The following CADPS variants were observed in gnomAD, a reference collection of about 807,000 sequenced individuals.
CADPS encodes the protein calcium dependent secretion activator.
In CADPS, 57 loss-of-function variants were observed where a neutral mutation model predicts 167.3. The observed-to-expected ratio is 0.34, with a 90% CI of 0.28 to 0.42. The LOEUF (loss-of-function observed/expected upper bound fraction) is 0.42, where lower values mean the gene tolerates loss of function less well. Ranked by LOEUF, CADPS falls within the 20% of genes least tolerant of loss-of-function variation. The probability of loss-of-function intolerance (pLI) is 1.00; values close to 1 mark genes in which losing one functional copy is unlikely to be tolerated. For missense variants in CADPS, 1,414 were observed against 1,738.1 expected, an observed-to-expected ratio of 0.81 and a Z score of 3.32; for synonymous variants, 676 against 635.3, an observed-to-expected ratio of 1.06 and a Z score of -0.96.
chr3:62,725,779 G>A (rs2076641462), intron 3 of CADPS, among the ~76,000 whole-genome samples: 1 of 151,780 alleles, frequency 6.6e-6, no homozygotes, highest in African/African-American at 2.4e-5. Flanking sequence ...TGTTTTAGAG[G>A]AGTCACCCTA....
chr3:62,849,311 A>G (rs1163262781), intron 1 of CADPS, among the ~76,000 whole-genome samples: 3 of 145,860 alleles, frequency 2.1e-5, no homozygotes, highest in African/African-American at 5.1e-5. Context: ...TTCCAACACT[A>G]TGTTGAATAG....
intron 1 of CADPS, among the ~76,000 whole-genome samples, chr3:62,848,972 G>T (rs1577279838): frequency 7.2e-6 from 1 of 138,792 alleles, no homozygotes; most frequent in Admixed American, 7.3e-5. Context: ...GTGGTTTGTA[G>T]TTCTCCTTGA....
intron 1 of CADPS, among the ~76,000 whole-genome samples, chr3:62,850,174 A>T (rs1297515053): frequency 7.4e-6 from 1 of 135,410 alleles, no homozygotes; most frequent in African/African-American, 2.7e-5. Context: ...CTCTTTTTTT[A>T]TTAGTCTTGC....
At position 62,433,709 on chromosome 3, in the gene CADPS, C is replaced by T. The variant is rs778370456; in HGVS notation, c.3777+4395G>A. On this transcript the variant is annotated intron_variant, in intron 28 of 29. Coordinates refer to ENST00000383710, the MANE Select transcript of CADPS (RefSeq NM_003716.4). The surrounding 1 kb of genome is among the most constrained non-coding windows in gnomAD (Gnocchi z 4.7). ...TGTGAGGTTTAAGCAGATGAATTCA[C>T]CCTAAGCACATCTCTTTTAATCCCG... Among the ~76,000 whole-genome samples the T allele has an allele frequency of 6.6e-5, 10 of 152,292 alleles. No homozygotes were observed. Among genetic ancestry groups the T allele is most frequent in the Non-Finnish European group, 1.0e-4 (7 of 68,032 alleles).
chr3:62,792,502 C>T (rs1576471381), intron 1 of CADPS, among the ~76,000 whole-genome samples: 2 of 152,094 alleles, frequency 1.3e-5, no homozygotes, highest in East Asian at 1.9e-4. Flanking sequence ...TTGTGCCCAG[C>T]CTTGTTTAAC....
At chr3:62,530,171 A>T (rs928987489) in intron 13 of CADPS, among the ~76,000 whole-genome samples, 12 of 152,206 alleles carry the variant, frequency 7.9e-5, no homozygotes, top group Admixed American at 4.6e-4. Context: ...TCATTATTTG[A>T]GATGAATTTC....
chr3:62,479,245 G>T (rs1408025584), intron 22 of CADPS, among the ~76,000 whole-genome samples: 1 of 152,112 alleles, frequency 6.6e-6, no homozygotes, highest in Non-Finnish European at 1.5e-5. Context: ...ACTTTTACCT[G>T]GGGCATCTAC....
intron 6 of CADPS, chr3:62,626,624 C>A: frequency 1.4e-6 from 1 of 698,238 alleles, no homozygotes; most frequent in Non-Finnish European, 2.6e-6. Flanking sequence ...TTTGCTAAGC[C>A]TTTTTTGTTG....
chr3:62,765,797 A>G, intron 2 of CADPS, 74 bp downstream of exon 2: 1 of 889,044 alleles, frequency 1.1e-6, no homozygotes, highest in East Asian at 2.5e-5. Flanking sequence ...GACTGTCCCC[A>G]TTGCCCTGCA....
rs1195229622 is a variant in CADPS at position 62,455,944 on chromosome 3, A to T, written c.3636+9423T>A. On this transcript the variant is annotated intron_variant, in intron 26 of 29. Transcript: ENST00000383710. This position sits in a 1 kb window ranked among gnomAD's most constrained non-coding sequence, Gnocchi z 4.4. ...AGGTATAATTTATGTCACTGCTGCC[A>T]GTGACAACTTATCTATCATAGCCTG... 6.6e-6 allele frequency among the ~76,000 whole-genome samples: 1 copy of T among 152,202 alleles called. No individual in the cohort carries two copies. The highest frequency in any genetic ancestry group is 6.5e-5 in the Admixed American group (1 of 15,284).
At chr3:62,575,495 T>C (rs2082083286) in intron 8 of CADPS, among the ~76,000 whole-genome samples, 1 of 152,220 alleles carries the variant, frequency 6.6e-6, no homozygotes, top group Non-Finnish European at 1.5e-5. Flanking sequence ...AGGATTAAAG[T>C]AGAAATATAA....
chr3:62,751,911 CTGAGA>C (rs2082793466), intron 3 of CADPS, among the ~76,000 whole-genome samples: 1 of 152,060 alleles, frequency 6.6e-6, no homozygotes, highest in Non-Finnish European at 1.5e-5. Context: ...TGCAAAAACA[CTGAGA>C]TAAGACAAGA....
chr3:62,716,760 C>T (rs1343343876), intron 3 of CADPS, among the ~76,000 whole-genome samples: 1 of 152,174 alleles, frequency 6.6e-6, no homozygotes. Flanking sequence ...TAACGCCTAT[C>T]ATGTAGTTTG....
chr3:62,461,621 G>GC (rs2059360039), intron 26 of CADPS, among the ~76,000 whole-genome samples: 1 of 152,156 alleles, frequency 6.6e-6, no homozygotes, highest in Non-Finnish European at 1.5e-5. Flanking sequence ...GGCTAATGCA[G>GC]CTGCTATTTT....
At chr3:62,578,316 A>T (rs1383074664) in intron 8 of CADPS, among the ~76,000 whole-genome samples, 2 of 152,122 alleles carry the variant, frequency 1.3e-5, no homozygotes, top group East Asian at 3.9e-4. Flanking sequence ...TAAGTCAATC[A>T]AGAAGACATA....
intron 6 of CADPS, chr3:62,626,266 T>C: frequency 5.6e-6 from 2 of 356,126 alleles, no homozygotes; most frequent in Non-Finnish European, 4.9e-6. Context: ...TTCTTTCTTT[T>C]GTCTTGAGTG....
chr3:62,598,718 G>C (rs72874406), intron 6 of CADPS, among the ~76,000 whole-genome samples: 1 of 152,144 alleles, frequency 6.6e-6, no homozygotes, highest in Non-Finnish European at 1.5e-5. Flanking sequence ...CACACACAAG[G>C]AGTAAATGGC....
chr3:62,587,089 A>T (rs2084807803), intron 7 of CADPS, among the ~76,000 whole-genome samples: 1 of 152,182 alleles, frequency 6.6e-6, no homozygotes, highest in Admixed American at 6.5e-5. Flanking sequence ...TCATGATATG[A>T]GTGACAGAGT....
At position 62,758,288 on chromosome 3, in the gene CADPS, T is replaced by G. The variant is rs376459953; in HGVS notation, c.556-4515A>C. 2.8e-4 allele frequency among the ~76,000 whole-genome samples: 42 copies of G among 152,302 alleles called. No individual in the cohort carries two copies. In the East Asian group the frequency reaches 7.5e-3, roughly 27 times the overall value. ...GTGGAGGGATCTATCTGTCCTGTGT[T>G]AAGATACAACTGCCAGATCCCAGAA... is the stretch of plus-strand genomic sequence containing the variant. On this transcript the variant is annotated intron_variant, in intron 2 of 29. Transcript: ENST00000383710.
Sources: allele counts gnomAD v4.1 joint callset (sites outside exome capture counted in the v4.1 genomes callset), GRCh38; gene constraint gnomAD v4.1.1; non-coding constraint Gnocchi (gnomAD v3.1); transcripts MANE v1.5; gene names NCBI Gene and HGNC (gene_info 2026-07-23, HGNC 2026-07-21).